Variants in CADM1 observed in about 807,000 individuals in gnomAD.
CADM1 encodes the protein cell adhesion molecule 1, also known as TSLC-1.
Under a neutral mutation model 53.1 loss-of-function variants are expected in CADM1, and 15 were observed. The observed-to-expected ratio is 0.28, with a 90% CI of 0.19 to 0.44. CADM1 has a LOEUF of 0.44. CADM1 is among the 20% of genes least tolerant of loss of function. The pLI, the probability that CADM1 is intolerant of heterozygous loss-of-function variation, is 1.00. For synonymous variants in CADM1, 281 were observed against 243.0 expected (o/e 1.16, Z -1.45); for missense variants, 434 against 611.3 (o/e 0.71, Z 3.06).
intron 1 of CADM1, among the ~76,000 whole-genome samples, chr11:115,502,740 C>G (rs1042219505): frequency 6.6e-6 from 1 of 152,176 alleles, no homozygotes; most frequent in South Asian, 2.1e-4. Flanking sequence ...GCCAACCCGG[C>G]GTCCCCCAAA....
intron 1 of CADM1, among the ~76,000 whole-genome samples, chr11:115,334,110 A>G (rs1945200915): frequency 6.6e-6 from 1 of 152,154 alleles, no homozygotes; most frequent in Admixed American, 6.5e-5. Flanking sequence ...ATGTTTGTGC[A>G]TATTTACACT....
Position 115,341,283 on chromosome 11 carries a change from C to T in CADM1, c.125-100863G>A, listed in dbSNP as rs184855755. On this transcript the variant is annotated intron_variant, in intron 1 of 11. Transcript: ENST00000331581. The stretch of plus-strand genomic sequence containing the variant: ...GTATTATTTCAGTGACTAGGATAAG[C>T]TTATATTCTGATCAATTTAGGTGGC... 2.7e-4 allele frequency among the ~76,000 whole-genome samples: 41 copies of T among 152,196 alleles called. 1 individual carries two copies. The highest frequency in any genetic ancestry group is 2.4e-3 in the Admixed American group (37 of 15,284).
intron 5 of CADM1, among the ~76,000 whole-genome samples, chr11:115,225,667 C>T (rs1332659320): frequency 1.3e-5 from 2 of 152,280 alleles, no homozygotes; most frequent in Non-Finnish European, 2.9e-5. Flanking sequence ...TCTTCTATGC[C>T]ATATGGTAGC....
At chr11:115,209,357 T>C (rs924660624) in intron 8 of CADM1, among the ~76,000 whole-genome samples, 3 of 152,232 alleles carry the variant, frequency 2.0e-5, no homozygotes, top group Non-Finnish European at 4.4e-5. Context: ...CTTTTATGCA[T>C]AAGCTGCAAA....
In CADM1 at chr11:115,174,075, T is replaced by A; in HGVS notation, c.*2399A>T. The A allele has an allele frequency of 1.0e-6, 1 of 982,522 alleles. No individual in the cohort carries two copies. The highest frequency in any genetic ancestry group is 1.2e-6 in the Non-Finnish European group (1 of 827,282). 60.9% of individuals were successfully genotyped at this position (982,522 alleles called of 1,614,324 possible). Reference sequence around the variant, plus strand: ...TTTGCTTTGTTTTATTATTATTTTTTCCAATGTGTGGGGCCTACACTTTGC... The same window carrying A: ...TTTGCTTTGTTTTATTATTATTTTTACCAATGTGTGGGGCCTACACTTTGC... On this transcript the variant is annotated 3_prime_UTR_variant, in exon 12 of 12. Coordinates refer to ENST00000331581, the MANE Select transcript of CADM1 (RefSeq NM_001301043.2).
At chr11:115,426,745 G>C (rs968031156) in intron 1 of CADM1, among the ~76,000 whole-genome samples, 1 of 151,946 alleles carries the variant, frequency 6.6e-6, no homozygotes, top group Non-Finnish European at 1.5e-5. Context: ...AGCTTGGATG[G>C]TTTAGCTCAT....
At chr11:115,219,133 T>C (rs751188356) in intron 5 of CADM1, among the ~76,000 whole-genome samples, 6 of 152,154 alleles carry the variant, frequency 3.9e-5, no homozygotes, top group Non-Finnish European at 8.8e-5. Context: ...ATAATTACCA[T>C]AGTTTTACTT....
chr11:115,275,062 T>C (rs1288047654), intron 1 of CADM1, among the ~76,000 whole-genome samples: 1 of 152,220 alleles, frequency 6.6e-6, no homozygotes. Context: ...AAAATGAGCA[T>C]GGAAAAACTT....
intron 1 of CADM1, among the ~76,000 whole-genome samples, chr11:115,357,724 T>C (rs1359115697): frequency 1.3e-5 from 2 of 152,210 alleles, no homozygotes; most frequent in Non-Finnish European, 2.9e-5. Context: ...CAGTCAATAA[T>C]AGCTGTCTGT....
intron 1 of CADM1, among the ~76,000 whole-genome samples, chr11:115,274,697 T>C (rs1366063716): frequency 6.6e-6 from 1 of 152,218 alleles, no homozygotes; most frequent in African/African-American, 2.4e-5. Context: ...TGATTTTATA[T>C]AGTCCTCATA....
Position 115,383,338 on chromosome 11 carries a change from A to G in CADM1, c.124+120933T>C, listed in dbSNP as rs567779725. 2.6e-5 allele frequency among the ~76,000 whole-genome samples: 4 copies of G among 152,358 alleles called. No homozygotes were observed. In the South Asian group the frequency reaches 6.2e-4, roughly 24 times the overall value. ...TGCGAAAGGAAATACATAAAACAGAATAAGTGAAAAGGTAACCAGCAGTTA... is the reference window on the plus strand; with the variant it reads ...TGCGAAAGGAAATACATAAAACAGAGTAAGTGAAAAGGTAACCAGCAGTTA... On this transcript the variant is annotated intron_variant, in intron 1 of 11. Coordinates refer to ENST00000331581, the MANE Select transcript of CADM1 (RefSeq NM_001301043.2).
intron 1 of CADM1, among the ~76,000 whole-genome samples, chr11:115,310,453 C>G (rs1944502451): frequency 6.6e-6 from 1 of 152,124 alleles, no homozygotes; most frequent in African/African-American, 2.4e-5. Context: ...CCCCCCAACT[C>G]TGTACCTCTC....
chr11:115,229,052 C>A, intron 5 of CADM1, 61 bp downstream of exon 5: 2 of 1,525,876 alleles, frequency 1.3e-6, no homozygotes. Flanking sequence ...TAAATGGCTT[C>A]TGAAGAGTTT....
At chr11:115,491,693 GAACC>G (rs943690940) in intron 1 of CADM1, among the ~76,000 whole-genome samples, 1 of 152,100 alleles carries the variant, frequency 6.6e-6, no homozygotes, top group Non-Finnish European at 1.5e-5. Context: ...ATAAAACTTG[GAACC>G]AACCCAAATG....
chr11:115,349,133 T>A (rs1945659116), intron 1 of CADM1, among the ~76,000 whole-genome samples: 1 of 152,246 alleles, frequency 6.6e-6, no homozygotes. Flanking sequence ...GTTAACTATA[T>A]GTGTCGCTCC....
intron 1 of CADM1, among the ~76,000 whole-genome samples, chr11:115,412,357 G>C (rs949801658): frequency 6.6e-6 from 1 of 152,050 alleles, no homozygotes; most frequent in Non-Finnish European, 1.5e-5. Flanking sequence ...ACCATGCCCA[G>C]CTAATTTTTT....
At position 115,172,750 on chromosome 11, in the gene CADM1, TTTTTTTTTAA is replaced by T. The variant is rs1191099963; in HGVS notation, c.*3714_*3723del. On this transcript the variant is annotated 3_prime_UTR_variant, in exon 12 of 12. Transcript: ENST00000331581. The stretch of plus-strand genomic sequence containing the variant: ...ATTTTTTTTTTTTTTTTTTTTTTTT[TTTTTTTTTAA>T]CAGAGACAGGTAAGAGACCAGGCCA... 2.0e-5 allele frequency: 2 copies of T among 101,168 alleles called. No homozygotes were observed. Among genetic ancestry groups the T allele is most frequent in the African/African-American group, 1.1e-4 (2 of 18,772 alleles). 6.3% of individuals were successfully genotyped at this position (101,168 alleles called of 1,614,324 possible).
chr11:115,238,481 C>T lies in CADM1; in HGVS notation c.424+19G>A, dbSNP rs200051854. On this transcript the variant is annotated intron_variant, in intron 3 of 11. Transcript: ENST00000331581. ...TCTCTATTCCATTTCCCCGGGTAAG[C>T]CCCACATGCGTTTCTTACCCAGGAC... is the stretch of plus-strand genomic sequence containing the variant. The T allele has an allele frequency of 1.2e-4, 201 of 1,613,006 alleles. No individual in the cohort carries two copies. Among genetic ancestry groups the T allele is most frequent in the Non-Finnish European group, 1.6e-4 (188 of 1,179,178 alleles).
At chr11:115,491,044 A>G (rs1331993923) in intron 1 of CADM1, among the ~76,000 whole-genome samples, 1 of 152,192 alleles carries the variant, frequency 6.6e-6, no homozygotes, top group African/African-American at 2.4e-5. Flanking sequence ...TTAAATGCAA[A>G]AGACATCTTG....
Sources: allele counts gnomAD v4.1 joint callset (sites outside exome capture counted in the v4.1 genomes callset), GRCh38; gene constraint gnomAD v4.1.1; transcripts MANE v1.5; gene names NCBI Gene and HGNC (gene_info 2026-07-23, HGNC 2026-07-21).